The following USH2A variants were observed in gnomAD, a reference collection of about 807,000 sequenced individuals.
The protein encoded by USH2A is usherin.
A neutral mutation model predicts 538.9 loss-of-function variants in USH2A; 443 were observed. The ratio of observed to expected loss-of-function variants is 0.82; its 90% confidence interval spans 0.76 to 0.89. The LOEUF (loss-of-function observed/expected upper bound fraction) is 0.89, where lower values mean the gene tolerates loss of function less well. USH2A is among the 40% of genes least tolerant of loss of function. The probability of loss-of-function intolerance (pLI) is 0.00; values close to 1 mark genes in which losing one functional copy is unlikely to be tolerated. For missense variants in USH2A, 6,633 were observed against 6,324.8 expected (o/e 1.05, Z -1.65); for synonymous variants, 2,413 against 2,273.5 (o/e 1.06, Z -1.75).
chr1:216,359,196 A>C (rs1306689908), intron 4 of USH2A, among the ~76,000 whole-genome samples: 1 of 152,088 alleles, frequency 6.6e-6, no homozygotes, highest in African/African-American at 2.4e-5. Context: ...CACAAACTAA[A>C]GTAATACGGT....
Position 215,675,079 on chromosome 1 carries a change from G to A in USH2A, c.12832C>T (p.Pro4278Ser). 6.2e-7 allele frequency: 1 copy of A among 1,614,136 alleles called. No individual in the cohort carries two copies. The highest frequency in any genetic ancestry group is 1.1e-5 in the South Asian group (1 of 91,072). Residue 4278 changes from proline to serine, a missense_variant, in exon 63 of 72, where the codon CCC becomes TCC. Coordinates refer to ENST00000307340, the MANE Select transcript of USH2A (RefSeq NM_206933.4). ...ATCCAGGAAATCAGCAGTTTTTGGG[G>A]ATTCATAGAAACATAGGATATCACA... The part of the protein sequence containing the change: ...PPVISYVSMN[P>S]QKLLISWIPP...
At chr1:215,628,392 C>T (rs928286874) in intron 71 of USH2A, among the ~76,000 whole-genome samples, 1 of 152,142 alleles carries the variant, frequency 6.6e-6, no homozygotes, top group Non-Finnish European at 1.5e-5. Flanking sequence ...AAGCAATTCT[C>T]CTGCCTCAGC....
rs761359720 is a variant in USH2A, at chr1:215,845,995, G to C, written c.8884C>G (p.Leu2962Val). 1 of 1,603,824 alleles carries C rather than the reference G, an allele frequency of 6.2e-7. No homozygotes were observed. Among genetic ancestry groups the C allele is most frequent in the South Asian group, 1.1e-5 (1 of 90,748 alleles). Residue 2962 changes from leucine to valine, a missense_variant, in exon 45 of 72, where the codon CTT (leucine) becomes GTT (valine). Physicochemically the swap from Leu to Val is conservative, Grantham distance 32. Coordinates refer to ENST00000307340, the MANE Select transcript of USH2A (RefSeq NM_206933.4). ...TTTGAGGTAGCAGAACTCCAAAAAA[G>C]TGTGTAATATTCAACTTCACCTTGT... The part of the protein sequence containing the change: ...DLQGEVEYYT[L>V]FWSSATSNDS...
chr1:215,768,738 C>T (rs562982322), intron 55 of USH2A, among the ~76,000 whole-genome samples: 2 of 152,224 alleles, frequency 1.3e-5, no homozygotes, highest in East Asian at 1.9e-4. Context: ...TCGTTTAGCT[C>T]GACAATGTCT....
chr1:215,857,890 G>A (rs1306498325), intron 44 of USH2A, among the ~76,000 whole-genome samples: 1 of 152,048 alleles, frequency 6.6e-6, no homozygotes, highest in Non-Finnish European at 1.5e-5. Flanking sequence ...AGCCAGGGAG[G>A]GGTGTCTGAC....
intron 46 of USH2A, among the ~76,000 whole-genome samples, chr1:215,839,206 G>T (rs150818527): frequency 3.3e-5 from 5 of 152,112 alleles, no homozygotes; most frequent in African/African-American, 1.2e-4. Flanking sequence ...CTGAAATAAA[G>T]GCAGATGAAC....
At chr1:215,829,529 C>T (rs1309355593) in intron 47 of USH2A, among the ~76,000 whole-genome samples, 7 of 152,116 alleles carry the variant, frequency 4.6e-5, no homozygotes, top group African/African-American at 7.2e-5. Flanking sequence ...AAGTAGACCC[C>T]GTCTGCTGAT....
intron 55 of USH2A, among the ~76,000 whole-genome samples, chr1:215,769,947 G>C (rs1415052887): frequency 6.6e-6 from 1 of 152,170 alleles, no homozygotes; most frequent in Non-Finnish European, 1.5e-5. Context: ...AGCTGTGTCT[G>C]TCCCTGAAAT....
chr1:216,216,554 A>G (rs2035345366), intron 15 of USH2A, among the ~76,000 whole-genome samples: 1 of 152,048 alleles, frequency 6.6e-6, no homozygotes, highest in Non-Finnish European at 1.5e-5. Context: ...CCCCAAGGAG[A>G]ATATGCATAG....
chr1:215,909,641 G>C (rs1665725839), intron 38 of USH2A, among the ~76,000 whole-genome samples: 1 of 151,938 alleles, frequency 6.6e-6, no homozygotes, highest in Non-Finnish European at 1.5e-5. Flanking sequence ...TCTAATATAA[G>C]GGCATTGAGA....
chr1:215,741,431 A>C lies in USH2A; in HGVS notation c.11655T>G (p.Ile3885Met). 2 of 1,614,100 alleles carry C rather than the reference A, an allele frequency of 1.2e-6. No homozygotes were observed. The highest frequency in any genetic ancestry group is 1.7e-6 in the Non-Finnish European group (2 of 1,180,018). ...LKALGSACIEIKWMPPEKPNG... is the reference protein window; with the variant it reads ...LKALGSACIEMKWMPPEKPNG... ...TTGGTTTTTCAGGTGGCATCCACTT[A>C]ATCTCTATGCAAGCTGACCCCAGTG... The change falls in exon 60 of 72, where the codon ATT (isoleucine) becomes ATG (methionine). Residue 3885 changes from isoleucine to methionine, a missense_variant. Transcript: ENST00000307340.
At chr1:216,317,784 C>T (rs2102645791) in intron 9 of USH2A, among the ~76,000 whole-genome samples, 1 of 152,138 alleles carries the variant, frequency 6.6e-6, no homozygotes, top group Admixed American at 6.5e-5. Context: ...AGCTGAGAGG[C>T]TGAGGTTGCA....
chr1:215,970,518 G>A (rs999365962), intron 36 of USH2A, 107 bp downstream of exon 36: 32 of 1,402,902 alleles, frequency 2.3e-5, no homozygotes, highest in Admixed American at 3.5e-5. Context: ...CATCCTGCTT[G>A]AAAGGCTAGC....
intron 43 of USH2A, among the ~76,000 whole-genome samples, chr1:215,870,294 T>A (rs35065059): frequency 0.17 from 25,477 of 151,376 alleles, 2,356 homozygotes; most frequent in African/African-American, 0.26. Flanking sequence ...TTTATTTTTT[T>A]TTTATTTATT....
intron 21 of USH2A, among the ~76,000 whole-genome samples, chr1:216,133,995 A>G (rs1478903892): frequency 6.6e-6 from 1 of 152,100 alleles, no homozygotes; most frequent in Non-Finnish European, 1.5e-5. Flanking sequence ...GATTGGATCT[A>G]TCATGTTGCT....
chr1:215,890,988 A>T (rs1665195276), intron 40 of USH2A, among the ~76,000 whole-genome samples: 2 of 152,182 alleles, frequency 1.3e-5, no homozygotes, highest in Admixed American at 1.3e-4. Context: ...GTCTTGCATA[A>T]TTATTCCTCA....
intron 55 of USH2A, among the ~76,000 whole-genome samples, chr1:215,767,138 C>T (rs1056505857): frequency 1.3e-5 from 2 of 152,140 alleles, no homozygotes; most frequent in African/African-American, 4.8e-5. Context: ...CTTTAGAGAG[C>T]CTTAGAGTTA....
chr1:215,758,779 T>C, intron 57 of USH2A, 27 bp from the exon 58 acceptor site: 4 of 1,610,346 alleles, frequency 2.5e-6, no homozygotes, highest in Non-Finnish European at 3.4e-6. Context: ...AGAAGAATTG[T>C]GGTAAGGCCA....
intron 4 of USH2A, among the ~76,000 whole-genome samples, chr1:216,329,989 G>A (rs189048834): frequency 1.3e-5 from 2 of 152,212 alleles, no homozygotes; most frequent in East Asian, 3.9e-4. Flanking sequence ...CTAGGGAAGT[G>A]TTTTATCTCA....
Sources: gnomAD v4.1 joint callset for allele counts (sites outside exome capture counted in the v4.1 genomes callset) on GRCh38, gnomAD v4.1.1 for gene constraint, MANE v1.5 for transcripts, NCBI Gene and HGNC (gene_info 2026-07-23, HGNC 2026-07-21) for gene names.